GRAMD4: variants seen among roughly 807,000 people sequenced by gnomAD.
GRAMD4 encodes the protein GRAM domain-containing protein 4.
In GRAMD4, 25 loss-of-function variants were observed where a neutral mutation model predicts 83.9. That is an observed-to-expected ratio of 0.30 (90% CI 0.22 to 0.42). GRAMD4 has a LOEUF of 0.42. Ranked by LOEUF, GRAMD4 falls within the 10% of genes least tolerant of loss-of-function variation. The pLI, the probability that GRAMD4 is intolerant of heterozygous loss-of-function variation, is 1.00. For missense variants in GRAMD4, 593 were observed against 788.7 expected (o/e 0.75, Z 2.97); for synonymous variants, 336 against 320.9 (o/e 1.05, Z -0.50).
intron 1 of GRAMD4, among the ~76,000 whole-genome samples, chr22:46,626,100 C>T (rs2081654426): frequency 6.6e-6 from 1 of 152,200 alleles, no homozygotes; most frequent in South Asian, 2.1e-4. Flanking sequence ...TAGGAACACG[C>T]TTTAGGCAGA....
Position 46,641,846 on chromosome 22 carries a change from G to A in GRAMD4, c.283+3886G>A, listed in dbSNP as rs118064963. On this transcript the variant is annotated intron_variant, in intron 3 of 18. Coordinates refer to ENST00000406902, the MANE Select transcript of GRAMD4 (RefSeq NM_015124.5). The stretch of plus-strand genomic sequence containing the variant: ...TCCATTTGTTAGCCGACACATTTCC[G>A]AAAACAAACTTCCCTTTGTCTGCCG... 4.8e-4 allele frequency among the ~76,000 whole-genome samples: 73 copies of A among 152,326 alleles called. No individual in the cohort carries two copies. The East Asian group carries it at 0.013, about 28-fold the overall frequency.
chr22:46,675,277 C>CAGAGCAGTGGCCGTGAGTGTCTCATAT (rs936283928), intron 16 of GRAMD4, among the ~76,000 whole-genome samples, 191 bp from the exon 17 acceptor site: 1 of 152,030 alleles, frequency 6.6e-6, no homozygotes, highest in Non-Finnish European at 1.5e-5. Flanking sequence ...GTGTTTCACA[C>CAGAGCAGTGGCCGTGAGTGTCTCATAT]AGAGCAGTGG....
chr22:46,577,900 C>T (rs929424416), intron 1 of GRAMD4, among the ~76,000 whole-genome samples: 12 of 152,208 alleles, frequency 7.9e-5, no homozygotes, highest in Non-Finnish European at 1.6e-4. Flanking sequence ...ACGTGGGGTG[C>T]AGTGTGGCAA....
chr22:46,592,961 C>G (rs2081224994), intron 1 of GRAMD4, among the ~76,000 whole-genome samples: 1 of 152,190 alleles, frequency 6.6e-6, no homozygotes, highest in Non-Finnish European at 1.5e-5. Context: ...GATATAAACC[C>G]CACATTGTGA....
rs750409514 is a variant in GRAMD4, at chr22:46,659,994, C to T, written c.405-1387C>T. On this transcript the variant is annotated intron_variant, in intron 4 of 18. Coordinates refer to ENST00000406902, the MANE Select transcript of GRAMD4 (RefSeq NM_015124.5). This position sits in a 1 kb window ranked among gnomAD's most constrained non-coding sequence, Gnocchi z 4.1. ...TTTGGCCACAGTGCCATCCCCGCCA[C>T]GGGACGCTGCTTCTCCCCCGGTGGC... is the stretch of plus-strand genomic sequence containing the variant. Among the ~76,000 whole-genome samples the T allele has an allele frequency of 6.6e-6, 1 of 152,224 alleles. No homozygotes were observed. The highest frequency in any genetic ancestry group is 2.1e-4 in the South Asian group (1 of 4,830).
At chr22:46,577,626 G>GC (rs1232914415) in intron 1 of GRAMD4, among the ~76,000 whole-genome samples, 2 of 151,844 alleles carry the variant, frequency 1.3e-5, no homozygotes, top group Non-Finnish European at 2.9e-5. Context: ...CCGACGCTGG[G>GC]CCACTGGAGG....
chr22:46,634,778 TA>T (rs1372440430), intron 2 of GRAMD4, among the ~76,000 whole-genome samples: 1 of 151,944 alleles, frequency 6.6e-6, no homozygotes, highest in Non-Finnish European at 1.5e-5. Context: ...CCGTCTGTAC[TA>T]AAAATACAAA....
chr22:46,607,270 A>G (rs2081374886), intron 1 of GRAMD4, among the ~76,000 whole-genome samples: 2 of 152,166 alleles, frequency 1.3e-5, no homozygotes, highest in South Asian at 4.1e-4. Flanking sequence ...GGTGCAGCAA[A>G]CCAACATGGC....
intron 3 of GRAMD4, among the ~76,000 whole-genome samples, chr22:46,643,092 C>T (rs140943162): frequency 5.2e-3 from 8 of 1,532 alleles, no homozygotes; most frequent in East Asian, 0.029. Context: ...TTTATCCATC[C>T]ATCCATCCAT....
At chr22:46,626,011 C>G (rs2081652760) in intron 1 of GRAMD4, among the ~76,000 whole-genome samples, 1 of 152,226 alleles carries the variant, frequency 6.6e-6, no homozygotes, top group Admixed American at 6.5e-5. Flanking sequence ...GGTGCCTGAC[C>G]CCGCTGTCTC....
chr22:46,635,281 C>G (rs1313791308), intron 2 of GRAMD4, among the ~76,000 whole-genome samples: 4 of 117,292 alleles, frequency 3.4e-5, no homozygotes, highest in Admixed American at 8.4e-5. Context: ...ACCGTGTCCT[C>G]CCTGCCCCCG....
intron 1 of GRAMD4, among the ~76,000 whole-genome samples, chr22:46,586,435 C>G (rs2081150881): frequency 6.6e-6 from 1 of 152,004 alleles, no homozygotes; most frequent in African/African-American, 2.4e-5. Flanking sequence ...TCTGTCTGCC[C>G]TCCCCTCCCC....
chr22:46,593,898 A>G (rs1184791332), intron 1 of GRAMD4, among the ~76,000 whole-genome samples: 1 of 150,890 alleles, frequency 6.6e-6, no homozygotes, highest in African/African-American at 2.4e-5. Flanking sequence ...TAATTTTTGT[A>G]TTTTTTTAGT....
intron 1 of GRAMD4, among the ~76,000 whole-genome samples, chr22:46,610,565 G>A (rs2081407232): frequency 6.6e-6 from 1 of 152,226 alleles, no homozygotes; most frequent in Non-Finnish European, 1.5e-5. Flanking sequence ...CCTAGGAGCC[G>A]CTCCCTGTGC....
rs558080588 is a variant in GRAMD4 at position 46,635,074 on chromosome 22, C to T, written c.163-2766C>T. On this transcript the variant is annotated intron_variant, in intron 2 of 18. Transcript: ENST00000406902. ...GTGGTTGGTACCACCCCTGGCCACT[C>T]CTGTCTTGGGGAGCCGTGTCCTCCC... 4.2e-5 allele frequency among the ~76,000 whole-genome samples: 5 copies of T among 119,128 alleles called. No homozygotes were observed. In the East Asian group the frequency reaches 8.0e-4, roughly 19 times the overall value. 78.2% of individuals were successfully genotyped at this position (119,128 alleles called of 152,430 possible).
At chr22:46,645,410 G>T (rs1201194338) in intron 3 of GRAMD4, among the ~76,000 whole-genome samples, 2 of 152,172 alleles carry the variant, frequency 1.3e-5, no homozygotes, top group Non-Finnish European at 2.9e-5. Flanking sequence ...TGACCTGCAG[G>T]AGGGCGTGCT....
chr22:46,677,057 C>A (rs961675372), intron 18 of GRAMD4, 90 bp from the exon 19 acceptor site: 4 of 1,484,828 alleles, frequency 2.7e-6, no homozygotes, highest in Non-Finnish European at 3.7e-6. Context: ...AGCGTGCTGG[C>A]CTGGGGCTGG....
chr22:46,585,340 A>C (rs1473373293), intron 1 of GRAMD4, among the ~76,000 whole-genome samples: 1 of 151,848 alleles, frequency 6.6e-6, no homozygotes, highest in African/African-American at 2.4e-5. Flanking sequence ...ACAGGCACGC[A>C]CCACAACGCC....
intron 1 of GRAMD4, among the ~76,000 whole-genome samples, chr22:46,613,767 C>A (rs1433221051): frequency 6.6e-6 from 1 of 152,238 alleles, no homozygotes; most frequent in Non-Finnish European, 1.5e-5. Context: ...GCCATACACA[C>A]CCCCTCCTGC....
Sources: gnomAD v4.1 joint callset for allele counts (sites outside exome capture counted in the v4.1 genomes callset) on GRCh38, gnomAD v4.1.1 for gene constraint, Gnocchi (gnomAD v3.1) non-coding constraint, MANE v1.5 for transcripts, NCBI Gene and HGNC (gene_info 2026-07-23, HGNC 2026-07-21) for gene names.